The following AKAP6 variants were observed in gnomAD, a reference collection of about 807,000 sequenced individuals.
The protein encoded by AKAP6 is A-kinase anchoring protein 6.
In AKAP6, 58 loss-of-function variants were observed where a neutral mutation model predicts 188.5. That is an observed-to-expected ratio of 0.31 (90% CI 0.25 to 0.38). The LOEUF (loss-of-function observed/expected upper bound fraction) is 0.38. Among genes scored for constraint, AKAP6 ranks in the 10% least tolerant of loss-of-function variants. The pLI is 1.00. For synonymous variants in AKAP6, 989 were observed against 998.6 expected (o/e 0.99, Z 0.18); for missense variants, 2,710 against 2,740.0 (o/e 0.99, Z 0.24).
intron 1 of AKAP6, among the ~76,000 whole-genome samples, chr14:32,361,450 C>G (rs1887662321): frequency 6.6e-6 from 1 of 152,110 alleles, no homozygotes; most frequent in Non-Finnish European, 1.5e-5. Context: ...GAGGCCAGTG[C>G]TGGAAAGGAG....
At chr14:32,509,515 A>G (rs1337872416) in intron 2 of AKAP6, among the ~76,000 whole-genome samples, 1 of 152,060 alleles carries the variant, frequency 6.6e-6, no homozygotes, top group Non-Finnish European at 1.5e-5. Context: ...AGGAACTCAC[A>G]TTATTTTTAT....
intron 9 of AKAP6, among the ~76,000 whole-genome samples, chr14:32,714,325 T>C (rs1234039777): frequency 6.6e-6 from 1 of 152,026 alleles, no homozygotes; most frequent in East Asian, 1.9e-4. Flanking sequence ...AATGAGCACA[T>C]GCTATGGAAA....
intron 1 of AKAP6, among the ~76,000 whole-genome samples, chr14:32,425,028 A>G (rs1889983499): frequency 6.6e-6 from 1 of 152,168 alleles, no homozygotes; most frequent in African/African-American, 2.4e-5. Context: ...TGCTGGGTCA[A>G]ATAGTATTTC....
Position 32,470,862 on chromosome 14 carries a change from C to T in AKAP6, c.324+37045C>T, listed in dbSNP as rs573004891. ...TAGTTTACTACAAGAGCAGTAACAGCCATTTGATTTTTGGTTAATGTTGAA... is the reference window on the plus strand; with the variant it reads ...TAGTTTACTACAAGAGCAGTAACAGTCATTTGATTTTTGGTTAATGTTGAA... On this transcript the variant is annotated intron_variant, in intron 2 of 13. Coordinates refer to ENST00000280979, the MANE Select transcript of AKAP6 (RefSeq NM_004274.5). 2.6e-5 allele frequency among the ~76,000 whole-genome samples: 4 copies of T among 152,224 alleles called. No homozygotes were observed. In the East Asian group the frequency reaches 5.8e-4, roughly 22 times the overall value.
At chr14:32,600,547 GC>G in intron 6 of AKAP6, 81 bp from the exon 7 acceptor site, 2 of 1,343,254 alleles carry the variant, frequency 1.5e-6, no homozygotes, top group Non-Finnish European at 9.9e-7. Context: ...GTTTAAAATA[GC>G]CATCTAATTT....
chr14:32,686,021 A>G (rs1157848775), intron 8 of AKAP6, among the ~76,000 whole-genome samples: 1 of 152,222 alleles, frequency 6.6e-6, no homozygotes, highest in Non-Finnish European at 1.5e-5. Flanking sequence ...ACAATAGCCA[A>G]GCTTTGGAAG....
chr14:32,483,346 C>A (rs1879463569), intron 2 of AKAP6, among the ~76,000 whole-genome samples: 1 of 152,030 alleles, frequency 6.6e-6, no homozygotes, highest in Non-Finnish European at 1.5e-5. Context: ...TGCATATTTG[C>A]AAATACTTTT....
intron 7 of AKAP6, among the ~76,000 whole-genome samples, chr14:32,648,385 T>A (rs1175048105): frequency 1.3e-5 from 2 of 152,110 alleles, no homozygotes; most frequent in African/African-American, 4.8e-5. Context: ...ATAATAGCGG[T>A]GATCATTTTC....
At position 32,421,264 on chromosome 14, in the gene AKAP6, G is replaced by A. The variant is rs148741850; in HGVS notation, c.-34-12196G>A. Among the ~76,000 whole-genome samples the A allele has an allele frequency of 2.9e-3, 441 of 152,052 alleles. 3 individuals are homozygous for A. The highest frequency in any genetic ancestry group is 0.021 in the East Asian group (108 of 5,144). ...CATTTTCTTGAAAGATTTCATTGAC[G>A]ATTCCTCCTTTCTCTTTCCTCTTGC... On this transcript the variant is annotated intron_variant, in intron 1 of 13. Coordinates refer to ENST00000280979, the MANE Select transcript of AKAP6 (RefSeq NM_004274.5).
At chr14:32,694,739 CAGG>C (rs1890332936) in intron 8 of AKAP6, among the ~76,000 whole-genome samples, 1 of 151,838 alleles carries the variant, frequency 6.6e-6, no homozygotes. Flanking sequence ...ACCCCATCAC[CAGG>C]CACACCTTAA....
chr14:32,821,358 T>C, intron 12 of AKAP6, 44 bp from the exon 13 acceptor site: 1 of 1,522,316 alleles, frequency 6.6e-7, no homozygotes, highest in Non-Finnish European at 8.8e-7. Context: ...TTCATGCTTG[T>C]GTTCCCTAAT....
chr14:32,786,772 T>A (rs1483304235), intron 12 of AKAP6, among the ~76,000 whole-genome samples: 1 of 152,256 alleles, frequency 6.6e-6, no homozygotes, highest in Non-Finnish European at 1.5e-5. Flanking sequence ...TATTCTTGCT[T>A]TTCAATTAAA....
intron 2 of AKAP6, among the ~76,000 whole-genome samples, chr14:32,485,224 T>G (rs2138918849): frequency 6.7e-6 from 1 of 149,156 alleles, no homozygotes; most frequent in African/African-American, 2.5e-5. Context: ...GATGGGCATT[T>G]GAGTTGGTTC....
chr14:32,817,676 C>T (rs1267083097), intron 12 of AKAP6, among the ~76,000 whole-genome samples: 1 of 152,088 alleles, frequency 6.6e-6, no homozygotes, highest in East Asian at 1.9e-4. Flanking sequence ...TCCATTTGGT[C>T]TCATTCAAAT....
At chr14:32,371,915 T>C (rs761310270) in intron 1 of AKAP6, among the ~76,000 whole-genome samples, 1 of 152,144 alleles carries the variant, frequency 6.6e-6, no homozygotes, top group Non-Finnish European at 1.5e-5. Flanking sequence ...TTAGTACTCT[T>C]TCACTCCTAT....
At chr14:32,473,251 A>G (rs1878877985) in intron 2 of AKAP6, among the ~76,000 whole-genome samples, 1 of 152,086 alleles carries the variant, frequency 6.6e-6, no homozygotes, top group Admixed American at 6.6e-5. Context: ...TGAAGATGGG[A>G]GAGAATGAGG....
At chr14:32,788,295 C>G (rs928468138) in intron 12 of AKAP6, among the ~76,000 whole-genome samples, 1 of 152,090 alleles carries the variant, frequency 6.6e-6, no homozygotes, top group Non-Finnish European at 1.5e-5. Flanking sequence ...CTTTTCTGTG[C>G]CTCAGTTTCT....
At chr14:32,496,298 G>T (rs1351967541) in intron 2 of AKAP6, among the ~76,000 whole-genome samples, 1 of 152,012 alleles carries the variant, frequency 6.6e-6, no homozygotes, top group African/African-American at 2.4e-5. Flanking sequence ...TGCATGTCAG[G>T]TTCTTAAATT....
intron 4 of AKAP6, among the ~76,000 whole-genome samples, chr14:32,560,951 G>GA (rs1883931842): frequency 6.6e-6 from 1 of 151,974 alleles, no homozygotes; most frequent in Non-Finnish European, 1.5e-5. Flanking sequence ...TAATTCTCAA[G>GA]AAAAAAATTC....
Sources: allele counts gnomAD v4.1 joint callset (sites outside exome capture counted in the v4.1 genomes callset), GRCh38; gene constraint gnomAD v4.1.1; transcripts MANE v1.5; gene names NCBI Gene and HGNC (gene_info 2026-07-23, HGNC 2026-07-21).